Variants in EDRF1 observed in about 807,000 individuals in gnomAD.
EDRF1 encodes the protein erythroid differentiation-related factor 1.
EDRF1 carries 69 observed loss-of-function variants against 148.7 expected under a neutral mutation model. The ratio of observed to expected loss-of-function variants is 0.46; its 90% CI spans 0.38 to 0.57. EDRF1 has a LOEUF of 0.57. Among genes scored for constraint, EDRF1 ranks in the 20% least tolerant of loss-of-function variants. The pLI, the probability that EDRF1 is intolerant of heterozygous loss-of-function variation, is 0.00. For synonymous variants in EDRF1, 515 were observed against 532.8 expected (o/e 0.97, Z 0.46); for missense variants, 1,118 against 1,478.7 (o/e 0.76, Z 4.00).
intron 22 of EDRF1, among the ~76,000 whole-genome samples, chr10:125,752,271 A>G (rs1177902874): frequency 3.3e-5 from 5 of 152,354 alleles, no homozygotes; most frequent in Middle Eastern, 3.4e-3. Context: ...TCTACTGCAC[A>G]CCGCACACAA....
chr10:125,738,069 A>AC, intron 14 of EDRF1, 80 bp downstream of exon 14: 1 of 1,454,336 alleles, frequency 6.9e-7, no homozygotes, highest in Non-Finnish European at 9.6e-7. Context: ...TTGGTATCTA[A>AC]ATGTTATTCT....
In EDRF1 at chr10:125,723,132, G is replaced by A; in HGVS notation, c.382G>A (p.Glu128Lys). Residue 128 changes from glutamate (E) to lysine (K), a missense_variant and splice_region_variant, in exon 3 of 25, where the codon GAA becomes AAA. Coordinates refer to ENST00000356792, the MANE Select transcript of EDRF1 (RefSeq NM_001202438.2). ...GNDVDVVSDSENIKKLLKIPY... is the reference protein window; with the variant it reads ...GNDVDVVSDSKNIKKLLKIPY... ...TGATGTGGATGTTGTCTCTGACTCTGAAGTAAGTGTTATTTGTCGCTTAAT... is the reference window on the plus strand; with the variant it reads ...TGATGTGGATGTTGTCTCTGACTCTAAAGTAAGTGTTATTTGTCGCTTAAT... 6.2e-7 allele frequency: 1 copy of A among 1,613,470 alleles called. No individual in the cohort carries two copies. Among genetic ancestry groups the A allele is most frequent in the Non-Finnish European group, 8.5e-7 (1 of 1,179,530 alleles).
Position 125,725,306 on chromosome 10 carries a change from CAT to C in EDRF1, c.511-11_511-10del. On this transcript the variant is annotated splice_polypyrimidine_tract_variant and intron_variant, in intron 4 of 24. Coordinates refer to ENST00000356792, the MANE Select transcript of EDRF1 (RefSeq NM_001202438.2). ...TGTGTTGTATTAATAATATGTATCT[CAT>C]GTTATCCAGACTGGTGACTGGACAT... 1.9e-6 allele frequency: 3 copies of C among 1,613,824 alleles called. No homozygotes were observed. Among genetic ancestry groups the C allele is most frequent in the Non-Finnish European group, 2.5e-6 (3 of 1,179,848 alleles).
At chr10:125,747,762 G>A (rs142934441) in intron 20 of EDRF1, 68 bp downstream of exon 20, 504 of 1,609,810 alleles carry the variant, frequency 3.1e-4, no homozygotes, top group African/African-American at 7.9e-4. Flanking sequence ...AATATTTAGC[G>A]TCTGTTGTCT....
At chr10:125,725,899 C>A in intron 6 of EDRF1, 61 bp downstream of exon 6, 4 of 1,504,454 alleles carry the variant, frequency 2.7e-6, no homozygotes, top group Non-Finnish European at 3.6e-6. Flanking sequence ...TTTTTAACAT[C>A]TCGTTAAAAA....
chr10:125,743,232 T>C lies in EDRF1; in HGVS notation c.2546T>C (p.Val849Ala). 1 of 1,613,888 alleles carries C rather than the reference T, an allele frequency of 6.2e-7. No individual in the cohort carries two copies. Among genetic ancestry groups the C allele is most frequent in the Non-Finnish European group, 8.5e-7 (1 of 1,179,910 alleles). The part of the protein sequence containing the change: ...RMGNIRNEIG[V>A]FYMNQAAALQ... The stretch of plus-strand genomic sequence containing the variant: ...GGTAACATTAGAAATGAAATTGGTG[T>C]GTTTTACATGAATCAGGCTGCTGCA... The change falls in exon 18 of 25, where the codon GTG becomes GCG. Residue 849 changes from valine (V) to alanine (A), a missense_variant. Physicochemically the swap from Val to Ala is moderately conservative, Grantham distance 64 (BLOSUM62 0). Coordinates refer to ENST00000356792, the MANE Select transcript of EDRF1 (RefSeq NM_001202438.2).
At chr10:125,720,945 A>G (rs1847966418) in intron 1 of EDRF1, among the ~76,000 whole-genome samples, 1 of 152,192 alleles carries the variant, frequency 6.6e-6, no homozygotes, top group Non-Finnish European at 1.5e-5. Flanking sequence ...ATACATTTTA[A>G]AAGAGATGTG....
intron 18 of EDRF1, among the ~76,000 whole-genome samples, chr10:125,743,536 T>C (rs563367467): frequency 6.6e-6 from 1 of 152,352 alleles, no homozygotes; most frequent in African/African-American, 2.4e-5. Context: ...CATCCAGCCA[T>C]GTGCCAGGCT....
Position 125,763,719 on chromosome 10 carries a change from T to C in EDRF1, c.*247T>C. The C allele has an allele frequency of 1.8e-6, 1 of 543,594 alleles. No individual in the cohort carries two copies. The highest frequency in any genetic ancestry group is 3.3e-6 in the Non-Finnish European group (1 of 303,460). 33.7% of individuals were successfully genotyped at this position (543,594 alleles called of 1,614,324 possible). On this transcript the variant is annotated 3_prime_UTR_variant, in exon 25 of 25. Coordinates refer to ENST00000356792, the MANE Select transcript of EDRF1 (RefSeq NM_001202438.2). The surrounding 1 kb of genome is among the most constrained non-coding windows in gnomAD (Gnocchi z 4.3). Reference sequence around the variant, plus strand: ...ATTTATGTCTTTGAGAAGTATGTAGTACCTCGGTATTAACAGACCTGCTGT... The same window carrying C: ...ATTTATGTCTTTGAGAAGTATGTAGCACCTCGGTATTAACAGACCTGCTGT...
intron 22 of EDRF1, among the ~76,000 whole-genome samples, chr10:125,751,421 T>TTTTTTTG (rs1564750906): frequency 6.6e-6 from 1 of 151,556 alleles, no homozygotes; most frequent in African/African-American, 2.4e-5. Context: ...TTTTTGTTTT[T>TTTTTTTG]TTTTTCTAGT....
chr10:125,742,700 A>G, intron 17 of EDRF1: 1 of 984,810 alleles, frequency 1.0e-6, no homozygotes, highest in Non-Finnish European at 1.2e-6. Flanking sequence ...ATATTGGGAC[A>G]TTATTTCAAG....
chr10:125,738,548 G>C, intron 15 of EDRF1, 103 bp downstream of exon 15: 2 of 1,374,936 alleles, frequency 1.5e-6, no homozygotes, highest in Non-Finnish European at 2.1e-6. Flanking sequence ...GAAAGGCATT[G>C]AGAAAAAGAT....
At chr10:125,757,807 T>C (rs1169378808) in intron 24 of EDRF1, among the ~76,000 whole-genome samples, 2 of 152,230 alleles carry the variant, frequency 1.3e-5, no homozygotes, top group Non-Finnish European at 2.9e-5. Context: ...TTTCCTACTT[T>C]TGTTCATCTG....
At chr10:125,741,291 A>G in intron 17 of EDRF1, 90 bp downstream of exon 17, 1 of 1,169,766 alleles carries the variant, frequency 8.5e-7, no homozygotes, top group Non-Finnish European at 1.3e-6. Context: ...GGGTAGAAAT[A>G]TTAGAGTTTT....
chr10:125,756,628 C>T (rs914660040), intron 24 of EDRF1, among the ~76,000 whole-genome samples: 41 of 152,138 alleles, frequency 2.7e-4, no homozygotes, highest in Admixed American at 2.0e-3. Context: ...GGTACACACA[C>T]GTAGGATTGT....
At chr10:125,731,128 C>T (rs1183511606) in intron 9 of EDRF1, among the ~76,000 whole-genome samples, 1 of 151,966 alleles carries the variant, frequency 6.6e-6, no homozygotes, top group Non-Finnish European at 1.5e-5. Flanking sequence ...GTATGAGTGA[C>T]AGAGCAAGAC....
intron 16 of EDRF1, 52 bp downstream of exon 16, chr10:125,740,703 A>C (rs1461184836): frequency 6.4e-7 from 1 of 1,564,756 alleles, no homozygotes; most frequent in Non-Finnish European, 8.8e-7. Flanking sequence ...GAGAGAACAG[A>C]GAAGGCATCT....
intron 1 of EDRF1, 88 bp downstream of exon 1, chr10:125,720,003 T>C: frequency 1.7e-5 from 20 of 1,186,892 alleles, no homozygotes; most frequent in Non-Finnish European, 1.8e-5. Flanking sequence ...TCCCGGCAGA[T>C]TCTGGAGGCT....
chr10:125,725,777 C>A lies in EDRF1; in HGVS notation c.731C>A (p.Ser244Ter). 1 of 1,614,064 alleles carries A rather than the reference C, an allele frequency of 6.2e-7. No homozygotes were observed. The highest frequency in any genetic ancestry group is 8.5e-7 in the Non-Finnish European group (1 of 1,180,010). Residue 244 changes from serine (S) to a stop codon, truncating the protein, a stop_gained, in exon 6 of 25, where the codon TCA (serine) becomes TAA (stop). Coordinates refer to ENST00000356792, the MANE Select transcript of EDRF1 (RefSeq NM_001202438.2). LOFTEE classifies it high-confidence loss of function. ...SDQTNDSEGA[S>*]WPAPFEMPSS... Reference sequence around the variant, plus strand: ...CAGACAAATGATTCGGAAGGGGCTTCATGGCCTGCTCCCTTCGAAATGCCT... The same window carrying A: ...CAGACAAATGATTCGGAAGGGGCTTAATGGCCTGCTCCCTTCGAAATGCCT...
Sources: gnomAD v4.1 joint callset for allele counts (sites outside exome capture counted in the v4.1 genomes callset) on GRCh38, gnomAD v4.1.1 for gene constraint, Gnocchi (gnomAD v3.1) non-coding constraint, MANE v1.5 for transcripts, NCBI Gene and HGNC (gene_info 2026-07-23, HGNC 2026-07-21) for gene names.